Variants in CFAP20DC observed in about 807,000 individuals in gnomAD.
The protein encoded by CFAP20DC is protein CFAP20DC.
Under a neutral mutation model 101.7 loss-of-function variants are expected in CFAP20DC, and 84 were observed. The ratio of observed to expected loss-of-function variants is 0.83; its 90% CI spans 0.69 to 0.99. The LOEUF (loss-of-function observed/expected upper bound fraction) is 0.99, where lower values mean the gene tolerates loss of function less well. Ranked by LOEUF, CFAP20DC falls within the 50% of genes least tolerant of loss-of-function variation. The pLI, the probability that CFAP20DC is intolerant of heterozygous loss-of-function variation, is 0.00. For synonymous variants in CFAP20DC, 359 were observed against 351.2 expected, an observed-to-expected ratio of 1.02 and a Z score of -0.25; for missense variants, 1,007 against 970.3, an observed-to-expected ratio of 1.04 and a Z score of -0.50.
intron 15 of CFAP20DC, among the ~76,000 whole-genome samples, chr3:58,778,265 G>A (rs1025750775): frequency 1.3e-5 from 2 of 152,180 alleles, no homozygotes; most frequent in Non-Finnish European, 2.9e-5. Flanking sequence ...ACTGTGGAGG[G>A]CCTGAGGGCA....
In CFAP20DC at chr3:58,912,863, T is replaced by C. The variant is rs2084294556; in HGVS notation, c.550+845A>G. 3 of 402,822 alleles carry C rather than the reference T, an allele frequency of 7.4e-6. No individual in the cohort carries two copies. Among genetic ancestry groups the C allele is most frequent in the South Asian group, 5.6e-5 (3 of 53,484 alleles). 25.0% of individuals were successfully genotyped at this position (402,822 alleles called of 1,614,324 possible). On this transcript the variant is annotated intron_variant, in intron 6 of 16. Transcript: ENST00000482387. This position sits in a 1 kb window ranked among gnomAD's most constrained non-coding sequence, Gnocchi z 4.4. ...TAACTTGATCACTAGAAAATTAATATGATTTCTCCCAAATGACTTCCTGAA... is the reference window on the plus strand; with the variant it reads ...TAACTTGATCACTAGAAAATTAATACGATTTCTCCCAAATGACTTCCTGAA...
intron 3 of CFAP20DC, among the ~76,000 whole-genome samples, chr3:58,733,849 G>A (rs2067694233): frequency 1.3e-5 from 2 of 152,150 alleles, no homozygotes; most frequent in South Asian, 2.1e-4. Context: ...TGAAACTAAT[G>A]GTCCCATTTT....
At chr3:58,871,097 A>G (rs1367385009) in intron 7 of CFAP20DC, among the ~76,000 whole-genome samples, 5 of 152,118 alleles carry the variant, frequency 3.3e-5, no homozygotes, top group Non-Finnish European at 7.4e-5. Flanking sequence ...AGACCAGTAA[A>G]CAGGTCACCA....
At chr3:58,958,869 C>T (rs2090888451) in intron 4 of CFAP20DC, among the ~76,000 whole-genome samples, 2 of 151,958 alleles carry the variant, frequency 1.3e-5, no homozygotes, top group South Asian at 4.2e-4. Context: ...AGAACTTTAT[C>T]ATACATATGA....
intron 6 of CFAP20DC, among the ~76,000 whole-genome samples, chr3:58,886,474 C>G (rs987682816): frequency 6.6e-6 from 1 of 151,678 alleles, no homozygotes; most frequent in Non-Finnish European, 1.5e-5. Context: ...GTGTGTAATC[C>G]CAGCACTTTG....
intron 15 of CFAP20DC, among the ~76,000 whole-genome samples, chr3:58,800,646 T>C (rs1257029982): frequency 6.6e-6 from 1 of 152,166 alleles, no homozygotes; most frequent in African/African-American, 2.4e-5. Flanking sequence ...GAAACTATTA[T>C]TAATTATTAT....
chr3:58,905,587 A>G (rs540873886), intron 6 of CFAP20DC, among the ~76,000 whole-genome samples: 34 of 152,352 alleles, frequency 2.2e-4, no homozygotes, highest in Admixed American at 4.6e-4. Context: ...TAAAGAGAGA[A>G]TAGAGAGGAA....
At chr3:58,938,081 A>G (rs537082321) in intron 4 of CFAP20DC, among the ~76,000 whole-genome samples, 1 of 152,344 alleles carries the variant, frequency 6.6e-6, no homozygotes, top group Admixed American at 6.5e-5. Context: ...TTTAATAACC[A>G]TACTTGTTCC....
intron 4 of CFAP20DC, among the ~76,000 whole-genome samples, chr3:58,963,867 C>G (rs1320572850): frequency 6.6e-6 from 1 of 152,150 alleles, no homozygotes; most frequent in Non-Finnish European, 1.5e-5. Context: ...TCAGACACAC[C>G]TCACTATAAC....
intron 4 of CFAP20DC, among the ~76,000 whole-genome samples, chr3:59,012,235 G>C (rs572130488): frequency 2.4e-4 from 37 of 152,324 alleles, no homozygotes; most frequent in Admixed American, 1.0e-3. Flanking sequence ...TGAAGAATGA[G>C]TGGGATTTCA....
rs532655740 is a variant in CFAP20DC at position 59,016,114 on chromosome 3, T to C, written c.278+23443A>G. 4.6e-5 allele frequency among the ~76,000 whole-genome samples: 7 copies of C among 152,192 alleles called. No individual in the cohort carries two copies. In the South Asian group the frequency reaches 8.3e-4, roughly 18 times the overall value. On this transcript the variant is annotated intron_variant, in intron 4 of 16. Transcript: ENST00000482387. Reference sequence around the variant, plus strand: ...GGATTGCTGAGAGATAGCTAAGATATGGAATCAACTTAAGTGTCCATCAAT... The same window carrying C: ...GGATTGCTGAGAGATAGCTAAGATACGGAATCAACTTAAGTGTCCATCAAT...
chr3:58,900,466 A>T (rs1180420895), intron 6 of CFAP20DC, among the ~76,000 whole-genome samples: 1 of 152,234 alleles, frequency 6.6e-6, no homozygotes, highest in Non-Finnish European at 1.5e-5. Context: ...ATAACAAATC[A>T]ATCAGATATT....
chr3:58,802,654 C>A lies in CFAP20DC; in HGVS notation c.2237+3741G>T, dbSNP rs533868235. Among the ~76,000 whole-genome samples the A allele has an allele frequency of 2.6e-5, 4 of 152,328 alleles. No individual in the cohort carries two copies. In the South Asian group the frequency reaches 8.3e-4, roughly 32 times the overall value. On this transcript the variant is annotated intron_variant, in intron 15 of 16. Coordinates refer to ENST00000482387, the MANE Select transcript of CFAP20DC (RefSeq NM_001394063.1). ...TATATTTCAATTCCTAGATTGTAAA[C>A]TTCTGAGAAAAATGATTACTGTTGC...
At chr3:58,942,618 C>A (rs950678921) in intron 4 of CFAP20DC, among the ~76,000 whole-genome samples, 5 of 152,216 alleles carry the variant, frequency 3.3e-5, no homozygotes, top group Non-Finnish European at 5.9e-5. Flanking sequence ...ACCACCAGGG[C>A]CCTGGGTTTC....
intron 14 of CFAP20DC, among the ~76,000 whole-genome samples, chr3:58,811,146 T>C (rs977052168): frequency 2.0e-5 from 3 of 152,094 alleles, no homozygotes; most frequent in African/African-American, 7.2e-5. Context: ...AATTTATAGA[T>C]GCAATGCCAT....
At chr3:58,872,859 A>C (rs770160569) in intron 7 of CFAP20DC, among the ~76,000 whole-genome samples, 128 of 151,872 alleles carry the variant, frequency 8.4e-4, no homozygotes, top group African/African-American at 2.9e-3. Context: ...CTCAAGCAGA[A>C]GTCTGGATAG....
At chr3:58,849,456 G>A in intron 12 of CFAP20DC, 47 bp from the exon 13 acceptor site, 1 of 1,394,194 alleles carries the variant, frequency 7.2e-7, no homozygotes, top group South Asian at 1.5e-5. Flanking sequence ...GAAATTTGTG[G>A]TGAATAAGTT....
chr3:58,839,436 T>A (rs954596756), intron 13 of CFAP20DC, among the ~76,000 whole-genome samples: 1 of 152,180 alleles, frequency 6.6e-6, no homozygotes, highest in African/African-American at 2.4e-5. Context: ...GTGGAAGGCC[T>A]GGCATATGGG....
At chr3:58,960,858 G>C (rs2091074469) in intron 4 of CFAP20DC, among the ~76,000 whole-genome samples, 1 of 152,096 alleles carries the variant, frequency 6.6e-6, no homozygotes, top group Admixed American at 6.5e-5. Context: ...TAATCTTAGA[G>C]AGACAGCATT....
Sources: allele counts gnomAD v4.1 joint callset (sites outside exome capture counted in the v4.1 genomes callset), GRCh38; gene constraint gnomAD v4.1.1; non-coding constraint Gnocchi (gnomAD v3.1); transcripts MANE v1.5; gene names NCBI Gene and HGNC (gene_info 2026-07-23, HGNC 2026-07-21).